CCNY: variants seen among roughly 807,000 people sequenced by gnomAD.
The protein encoded by CCNY is cyclin Y.
Under a neutral mutation model 42.8 loss-of-function variants are expected in CCNY, and 19 were observed. The observed-to-expected ratio is 0.44, with a 90% CI of 0.31 to 0.65. The LOEUF (loss-of-function observed/expected upper bound fraction) is 0.65. Among genes scored for constraint, CCNY ranks in the 30% least tolerant of loss-of-function variants. CCNY has a pLI of 0.07. For missense variants in CCNY, 370 were observed against 437.3 expected, an observed-to-expected ratio of 0.85 and a Z score of 1.37; for synonymous variants, 165 against 162.7, an observed-to-expected ratio of 1.01 and a Z score of -0.11.
intron 3 of CCNY, among the ~76,000 whole-genome samples, chr10:35,312,691 G>A (rs188069611): frequency 6.6e-6 from 1 of 150,810 alleles, no homozygotes; most frequent in Admixed American, 6.6e-5. Flanking sequence ...AGGGCACTAT[G>A]CTGAGGAAAT....
intron 3 of CCNY, among the ~76,000 whole-genome samples, chr10:35,318,848 T>C (rs1298813005): frequency 6.6e-6 from 1 of 151,982 alleles, no homozygotes; most frequent in African/African-American, 2.4e-5. Flanking sequence ...AAATAATAAA[T>C]ACAAGACCCT....
intron 3 of CCNY, among the ~76,000 whole-genome samples, chr10:35,274,193 A>AG (rs1450238598): frequency 6.6e-6 from 1 of 152,192 alleles, no homozygotes; most frequent in Admixed American, 6.6e-5. Flanking sequence ...GTGGCAGTCA[A>AG]GGGATAATGA....
chr10:35,468,842 A>G (rs1465377918), intron 1 of CCNY, among the ~76,000 whole-genome samples: 1 of 152,224 alleles, frequency 6.6e-6, no homozygotes, highest in Non-Finnish European at 1.5e-5. Flanking sequence ...ACAGACTGAC[A>G]GTTACCAGTT....
chr10:35,497,151 C>T (rs1194581980), intron 2 of CCNY, among the ~76,000 whole-genome samples: 1 of 152,088 alleles, frequency 6.6e-6, no homozygotes, highest in Non-Finnish European at 1.5e-5. Context: ...CCTGTTTTCT[C>T]TAAAGAAGCA....
chr10:35,458,724 C>G (rs892117389), intron 1 of CCNY, among the ~76,000 whole-genome samples: 1 of 152,178 alleles, frequency 6.6e-6, no homozygotes, highest in Non-Finnish European at 1.5e-5. Context: ...GGGTGTGAGC[C>G]AAGCCCGTCC....
chr10:35,569,458 G>T lies in CCNY; in HGVS notation c.*288G>T, dbSNP rs1841642304. The T allele has an allele frequency of 2.3e-6, 1 of 442,216 alleles. No homozygotes were observed. The allele number at this position is 442,216 out of a possible 1,614,324, so 27.4% of individuals were successfully genotyped here. ...AAAGGGAAAGGGAAGTCGTGGAGAG[G>T]CAGGGAAAATGGTTAAGCAGCCCGG... On this transcript the variant is annotated 3_prime_UTR_variant, in exon 10 of 10. Coordinates refer to ENST00000374704, the MANE Select transcript of CCNY (RefSeq NM_145012.6).
At chr10:35,522,335 T>G (rs1462039847) in intron 4 of CCNY, among the ~76,000 whole-genome samples, 1 of 152,214 alleles carries the variant, frequency 6.6e-6, no homozygotes, top group Non-Finnish European at 1.5e-5. Context: ...CAGAGATCCA[T>G]CCACCTGCCT....
intron 3 of CCNY, among the ~76,000 whole-genome samples, chr10:35,282,791 G>A (rs1835313059): frequency 6.6e-6 from 1 of 151,756 alleles, no homozygotes; most frequent in African/African-American, 2.4e-5. Flanking sequence ...GTTGGTCAGT[G>A]CATGTTGTTC....
intron 3 of CCNY, among the ~76,000 whole-genome samples, chr10:35,254,918 A>T (rs573287008): frequency 6.6e-6 from 1 of 151,496 alleles, no homozygotes; most frequent in Non-Finnish European, 1.5e-5. Flanking sequence ...TTATTTCTGT[A>T]ATTGATTCCT....
At chr10:35,359,409 G>A (rs2135152339) in intron 1 of CCNY, among the ~76,000 whole-genome samples, 1 of 152,244 alleles carries the variant, frequency 6.6e-6, no homozygotes, top group South Asian at 2.1e-4. Context: ...ATTATTTGTA[G>A]ATGGCTGTGT....
At chr10:35,323,329 C>T (rs142294410) in intron 3 of CCNY, among the ~76,000 whole-genome samples, 1 of 152,294 alleles carries the variant, frequency 6.6e-6, no homozygotes, top group Admixed American at 6.5e-5. Flanking sequence ...AAAACTTGTA[C>T]ATAGATGTTC....
chr10:35,352,015 C>A (rs569029732), intron 1 of CCNY, among the ~76,000 whole-genome samples: 1 of 152,162 alleles, frequency 6.6e-6, no homozygotes, highest in Admixed American at 6.5e-5. Flanking sequence ...AGTGATCTAC[C>A]TAGTTTTCAA....
rs76926898 is a variant in CCNY at position 35,562,221 on chromosome 10, T to C, written c.747-3802T>C. Among the ~76,000 whole-genome samples, 125 of 152,382 alleles carry C rather than the reference T, an allele frequency of 8.2e-4. 1 individual carries two copies. The East Asian group carries it at 0.022, about 26-fold the overall frequency. ...GAAATCAAGTGACTTGTCCAAGCAT[T>C]GCATGGCACAGAAGGTCACAGAGAA... On this transcript the variant is annotated intron_variant, in intron 8 of 9. Coordinates refer to ENST00000374704, the MANE Select transcript of CCNY (RefSeq NM_145012.6).
At chr10:35,476,107 C>A (rs1299485223) in intron 1 of CCNY, among the ~76,000 whole-genome samples, 1 of 152,120 alleles carries the variant, frequency 6.6e-6, no homozygotes, top group Non-Finnish European at 1.5e-5. Flanking sequence ...TATATGCACC[C>A]AATACAGGAG....
rs545137462 is a variant in CCNY, at chr10:35,323,382, A to C, written c.-9+72756A>C. On this transcript the variant is annotated intron_variant, in intron 3 of 11. Transcript: ENST00000374706. ...AATAGACAAAACTGGACAAAGCCTA[A>C]ATGTCCATCAACATTTGTGGTATAT... 3.5e-3 allele frequency among the ~76,000 whole-genome samples: 536 copies of C among 152,348 alleles called. 3 individuals are homozygous for C. Among genetic ancestry groups the C allele is most frequent in the African/African-American group, 0.012 (518 of 41,584 alleles).
intron 1 of CCNY, among the ~76,000 whole-genome samples, chr10:35,396,192 C>G (rs2135219991): frequency 6.6e-6 from 1 of 152,296 alleles, no homozygotes; most frequent in East Asian, 1.9e-4. Flanking sequence ...TCTTTATACT[C>G]ATGGTGGTAG....
intron 1 of CCNY, among the ~76,000 whole-genome samples, chr10:35,361,467 C>T (rs1448173569): frequency 6.6e-6 from 1 of 152,048 alleles, no homozygotes; most frequent in African/African-American, 2.4e-5. Context: ...TAGGTTTTTT[C>T]TTTTAATTTT....
At chr10:35,447,111 A>G (rs2135306291) in intron 1 of CCNY, among the ~76,000 whole-genome samples, 1 of 152,274 alleles carries the variant, frequency 6.6e-6, no homozygotes, top group Middle Eastern at 3.4e-3. Flanking sequence ...CCCCGTCTCT[A>G]CTAAAAGTAC....
At chr10:35,529,224 A>G (rs992476549) in intron 5 of CCNY, among the ~76,000 whole-genome samples, 2 of 152,178 alleles carry the variant, frequency 1.3e-5, no homozygotes, top group African/African-American at 4.8e-5. Flanking sequence ...TGAAACTTAA[A>G]TGAAGTAGTG....
Sources: allele counts gnomAD v4.1 joint callset (sites outside exome capture counted in the v4.1 genomes callset), GRCh38; gene constraint gnomAD v4.1.1; transcripts MANE v1.5; gene names NCBI Gene and HGNC (gene_info 2026-07-23, HGNC 2026-07-21).